The following FRMD6 variants were observed in gnomAD, a reference collection of about 807,000 sequenced individuals.
FRMD6 encodes the protein FERM domain containing 6.
A neutral mutation model predicts 73.2 loss-of-function variants in FRMD6; 37 were observed. That is an observed-to-expected ratio of 0.51 (90% CI 0.39 to 0.66). The LOEUF is 0.66. Ranked by LOEUF, FRMD6 falls within the 30% of genes least tolerant of loss-of-function variation. The probability of loss-of-function intolerance (pLI) is 0.00; values close to 1 mark genes in which losing one functional copy is unlikely to be tolerated. For missense variants in FRMD6, 714 were observed against 780.5 expected (o/e 0.91, Z 1.02); for synonymous variants, 273 against 282.2 (o/e 0.97, Z 0.33).
chr14:51,664,781 T>C (rs1445829976), intron 1 of FRMD6, among the ~76,000 whole-genome samples: 1 of 152,230 alleles, frequency 6.6e-6, no homozygotes, highest in Non-Finnish European at 1.5e-5. Flanking sequence ...CAGCACTGTT[T>C]TATTCGCATC....
At chr14:51,700,305 C>T (rs1232856951) in intron 3 of FRMD6, among the ~76,000 whole-genome samples, 7 of 152,066 alleles carry the variant, frequency 4.6e-5, no homozygotes, top group Admixed American at 3.3e-4. Flanking sequence ...AATATGAAAA[C>T]GTTTGTTTTC....
intron 2 of FRMD6, among the ~76,000 whole-genome samples, chr14:51,639,930 C>T (rs12881844): frequency 0.11 from 16,025 of 152,086 alleles, 1,140 homozygotes; most frequent in Non-Finnish European, 0.16. Flanking sequence ...TTTGAGCTGC[C>T]CTTCAGCATA....
At chr14:51,552,732 A>G (rs538772857) in intron 1 of FRMD6, among the ~76,000 whole-genome samples, 3 of 152,382 alleles carry the variant, frequency 2.0e-5, no homozygotes, top group East Asian at 3.9e-4. Flanking sequence ...ATATGAAACT[A>G]TGCAAGCAAA....
intron 1 of FRMD6, among the ~76,000 whole-genome samples, chr14:51,652,966 C>T (rs759537412): frequency 6.6e-6 from 1 of 152,192 alleles, no homozygotes; most frequent in Admixed American, 6.5e-5. Context: ...ATTTTCAGGC[C>T]GTGTAGTTGT....
chr14:51,511,070 C>G (rs1005421632), intron 1 of FRMD6, among the ~76,000 whole-genome samples: 3 of 152,182 alleles, frequency 2.0e-5, no homozygotes, highest in African/African-American at 7.2e-5. Flanking sequence ...AGCCCTGCCC[C>G]AAGTCTCTCT....
chr14:51,703,497 C>T (rs1566579823), intron 5 of FRMD6, among the ~76,000 whole-genome samples: 3 of 151,846 alleles, frequency 2.0e-5, no homozygotes, highest in Admixed American at 6.6e-5. Context: ...GGCTAAGACA[C>T]TTTATTAGTT....
chr14:51,566,392 C>A lies in FRMD6; in HGVS notation c.-209-3956C>A, dbSNP rs186705275. ...GATGTGTCTGGCTTTATAGAATACA[C>A]AGTGCTACTTTTCAGGTAGATTTGA... On this transcript the variant is annotated intron_variant, in intron 1 of 14. Transcript: ENST00000356218. 3.0e-4 allele frequency among the ~76,000 whole-genome samples: 46 copies of A among 152,298 alleles called. No individual in the cohort carries two copies. The East Asian group carries it at 6.9e-3, about 23-fold the overall frequency.
At chr14:51,467,335 G>C in the FRMD6 span, among the ~76,000 whole-genome samples, 1 of 152,216 alleles carries the variant, frequency 6.6e-6, no homozygotes. Context: ...TTCTTATTAC[G>C]GAACAAAATG....
At chr14:51,628,877 C>CTTTT (rs371915919) in intron 2 of FRMD6, among the ~76,000 whole-genome samples, 13 of 95,300 alleles carry the variant, frequency 1.4e-4, no homozygotes, top group Admixed American at 3.1e-4. Flanking sequence ...CTTTTCTTTT[C>CTTTT]TTTTTTTTTT....
At chr14:51,517,473 A>G (rs17124067) in intron 1 of FRMD6, among the ~76,000 whole-genome samples, 3,033 of 152,272 alleles carry the variant, frequency 0.02, 74 homozygotes, top group East Asian at 0.072. Flanking sequence ...TATAGAAACC[A>G]ATAAGAATCT....
chr14:51,521,970 C>A (rs1167968541), intron 1 of FRMD6, among the ~76,000 whole-genome samples: 8 of 152,120 alleles, frequency 5.3e-5, no homozygotes, highest in Admixed American at 6.5e-5. Context: ...CAGAGCATTG[C>A]ACAGAGCTTA....
At chr14:51,507,192 G>A (rs934319446) in intron 1 of FRMD6, among the ~76,000 whole-genome samples, 2 of 151,288 alleles carry the variant, frequency 1.3e-5, no homozygotes, top group Non-Finnish European at 2.9e-5. Context: ...CCTTAGCTAC[G>A]GTCGGCTAAC....
chr14:51,501,245 C>T (rs1883604870), intron 1 of FRMD6, among the ~76,000 whole-genome samples: 1 of 152,102 alleles, frequency 6.6e-6, no homozygotes, highest in Non-Finnish European at 1.5e-5. Context: ...AGTACTTGTG[C>T]AGGATGTGCA....
intron 1 of FRMD6, among the ~76,000 whole-genome samples, chr14:51,530,046 G>A (rs1458169156): frequency 6.6e-6 from 1 of 152,212 alleles, no homozygotes; most frequent in Non-Finnish European, 1.5e-5. Context: ...TTAAATCTCA[G>A]GATGTTTTGA....
intron 2 of FRMD6, among the ~76,000 whole-genome samples, chr14:51,636,474 C>T (rs1467526): frequency 0.73 from 111,281 of 152,046 alleles, 41,344 homozygotes; most frequent in Non-Finnish European, 0.8. Context: ...CTAAATTGCG[C>T]TGGCTGGGCA....
chr14:51,615,681 A>G (rs781690032), intron 2 of FRMD6, among the ~76,000 whole-genome samples: 5 of 152,148 alleles, frequency 3.3e-5, no homozygotes, highest in African/African-American at 4.8e-5. Context: ...GCCCTCAAGG[A>G]GCTGATATTT....
intron 1 of FRMD6, among the ~76,000 whole-genome samples, chr14:51,674,499 A>G (rs1338414914): frequency 6.6e-6 from 1 of 152,174 alleles, no homozygotes; most frequent in Non-Finnish European, 1.5e-5. Context: ...TTTATGTGTC[A>G]GTCTCAGTAC....
At chr14:51,431,009 T>C in the FRMD6 span, among the ~76,000 whole-genome samples, 2 of 152,330 alleles carry the variant, frequency 1.3e-5, no homozygotes, top group Non-Finnish European at 2.9e-5. Context: ...AGACTGTGTG[T>C]GTGTGTTTAT....
At chr14:51,594,671 G>A (rs1234631930) in intron 2 of FRMD6, among the ~76,000 whole-genome samples, 1 of 151,724 alleles carries the variant, frequency 6.6e-6, no homozygotes, top group Non-Finnish European at 1.5e-5. Context: ...CTATGTTGGT[G>A]AGGCTGGTCT....
Sources: gnomAD v4.1 joint callset for allele counts (sites outside exome capture counted in the v4.1 genomes callset) on GRCh38, gnomAD v4.1.1 for gene constraint, MANE v1.5 for transcripts, NCBI Gene and HGNC (gene_info 2026-07-23, HGNC 2026-07-21) for gene names.